LPAR1: variants seen among roughly 807,000 people sequenced by gnomAD.
LPAR1 encodes the protein lysophosphatidic acid receptor 1.
LPAR1 carries 5 observed loss-of-function variants against 23.8 expected under a neutral mutation model. The ratio of observed to expected loss-of-function variants is 0.21; its 90% CI spans 0.11 to 0.44. LPAR1 has a LOEUF of 0.44. LPAR1 is among the 20% of genes least tolerant of loss of function. The pLI is 0.99. For missense variants in LPAR1, 311 were observed against 482.8 expected (o/e 0.64, Z 3.33); for synonymous variants, 160 against 164.7 (o/e 0.97, Z 0.22).
intron 4 of LPAR1, among the ~76,000 whole-genome samples, chr9:110,957,130 G>C (rs1272114027): frequency 6.6e-6 from 1 of 151,978 alleles, no homozygotes; most frequent in East Asian, 1.9e-4. Flanking sequence ...AATTTTGGGA[G>C]GTCAAGGTGG....
chr9:111,036,010 C>T (rs1245727972), intron 2 of LPAR1, 112 bp downstream of exon 2: 2 of 152,194 alleles, frequency 1.3e-5, no homozygotes, highest in Admixed American at 6.5e-5. Flanking sequence ...TCAGTAAAAC[C>T]TTGCAGCCTA....
At chr9:111,026,794 T>C (rs894294855) in intron 2 of LPAR1, among the ~76,000 whole-genome samples, 1 of 152,232 alleles carries the variant, frequency 6.6e-6, no homozygotes, top group African/African-American at 2.4e-5. Context: ...TCATGTGGTT[T>C]TTGTCATTGG....
In LPAR1 at chr9:110,941,308, G is replaced by A. The variant is rs1234728178; in HGVS notation, c.793+113C>T. On this transcript the variant is annotated intron_variant, in intron 5 of 5. Coordinates refer to ENST00000683809, the MANE Select transcript of LPAR1 (RefSeq NM_001351411.2). The surrounding 1 kb of genome is among the most constrained non-coding windows in gnomAD (Gnocchi z 6.1). Reference sequence around the variant, plus strand: ...GGTGCCTCATCCCCTTGTAATTCCTGGTGAATTACCTGGTGAATATTCATA... The same window carrying A: ...GGTGCCTCATCCCCTTGTAATTCCTAGTGAATTACCTGGTGAATATTCATA... The A allele has an allele frequency of 3.1e-6, 3 of 955,084 alleles. No individual in the cohort carries two copies. The highest frequency in any genetic ancestry group is 4.7e-6 in the Non-Finnish European group (3 of 638,380). 59.2% of individuals were successfully genotyped at this position (955,084 alleles called of 1,614,324 possible).
intron 4 of LPAR1, among the ~76,000 whole-genome samples, chr9:110,953,079 G>A (rs2095621282): frequency 6.6e-6 from 1 of 152,068 alleles, no homozygotes; most frequent in Admixed American, 6.5e-5. Context: ...GGACCACCTG[G>A]ATCCCACAGG....
intron 2 of LPAR1, among the ~76,000 whole-genome samples, chr9:111,011,702 T>C (rs1463596569): frequency 6.6e-6 from 1 of 152,104 alleles, no homozygotes; most frequent in East Asian, 1.9e-4. Flanking sequence ...TAAAACACAA[T>C]ATAGTACCCT....
At chr9:110,936,021 C>T (rs2094686674) in intron 5 of LPAR1, among the ~76,000 whole-genome samples, 1 of 152,194 alleles carries the variant, frequency 6.6e-6, no homozygotes, top group Non-Finnish European at 1.5e-5. Flanking sequence ...CCACCCAATG[C>T]TACAGTGAGG....
Position 110,932,601 on chromosome 9 carries a change from G to C in LPAR1, c.793+8820C>G, listed in dbSNP as rs114365661. On this transcript the variant is annotated intron_variant, in intron 5 of 5. Transcript: ENST00000683809. ...ATGGACCAGTAACAGTCCATAGCCT[G>C]TTAAGAATCGGGCTGCACAGCAGGA... 6.9e-3 allele frequency among the ~76,000 whole-genome samples: 1,045 copies of C among 152,382 alleles called. 14 individuals carry two copies. Among genetic ancestry groups the C allele is most frequent in the African/African-American group, 0.024 (995 of 41,588 alleles).
intron 4 of LPAR1, among the ~76,000 whole-genome samples, chr9:110,969,061 GT>G (rs888008250): frequency 2.0e-5 from 3 of 152,016 alleles, no homozygotes; most frequent in African/African-American, 7.2e-5. Context: ...TTTCTCATTA[GT>G]GATCCTTAAG....
chr9:110,905,337 C>CT (rs1225144858), intron 5 of LPAR1, among the ~76,000 whole-genome samples: 2 of 143,270 alleles, frequency 1.4e-5, no homozygotes, highest in African/African-American at 5.7e-5. Flanking sequence ...TATGCCTTTG[C>CT]TTTTTTTTAT....
intron 4 of LPAR1, among the ~76,000 whole-genome samples, chr9:110,964,296 T>A (rs369266031): frequency 4.8e-4 from 60 of 124,648 alleles, no homozygotes; most frequent in Non-Finnish European, 7.5e-4. Context: ...TTTTAAAAAA[T>A]AAAAATAAAT....
chr9:110,931,705 G>A (rs1688913585), intron 5 of LPAR1, among the ~76,000 whole-genome samples: 2 of 152,224 alleles, frequency 1.3e-5, no homozygotes, highest in East Asian at 1.9e-4. Context: ...TGTATAAGGT[G>A]TAAGGAAGGG....
chr9:110,905,463 AC>A lies in LPAR1; in HGVS notation c.794-29742del, dbSNP rs1462554888. 7.3e-5 allele frequency among the ~76,000 whole-genome samples: 11 copies of A among 150,010 alleles called. No individual in the cohort carries two copies. In the East Asian group the frequency reaches 2.2e-3, roughly 29 times the overall value. On this transcript the variant is annotated intron_variant, in intron 5 of 5. Coordinates refer to ENST00000683809, the MANE Select transcript of LPAR1 (RefSeq NM_001351411.2). ...CAGGTTGAAGCGATTCTCCTGTTTC[AC>A]CTTCCCCCAGCAGCTGGGATTACAG...
intron 5 of LPAR1, among the ~76,000 whole-genome samples, chr9:110,893,829 A>T (rs2133384983): frequency 6.6e-6 from 1 of 152,280 alleles, no homozygotes; most frequent in Admixed American, 6.5e-5. Flanking sequence ...CCACCTGCTT[A>T]CACGTAGCCT....
chr9:111,020,018 T>G (rs1388057793), intron 2 of LPAR1, among the ~76,000 whole-genome samples: 1 of 152,184 alleles, frequency 6.6e-6, no homozygotes, highest in Non-Finnish European at 1.5e-5. Flanking sequence ...CTTTCCTTGG[T>G]GAATGTGTAT....
chr9:110,971,964 CGA>C (rs2096438459), intron 4 of LPAR1, 107 bp downstream of exon 4: 7 of 913,264 alleles, frequency 7.7e-6, no homozygotes, highest in Non-Finnish European at 1.1e-5. Context: ...CAAATGATAG[CGA>C]GAGAGATATA....
At chr9:111,014,419 G>C (rs920069212) in intron 2 of LPAR1, among the ~76,000 whole-genome samples, 1 of 152,036 alleles carries the variant, frequency 6.6e-6, no homozygotes, top group South Asian at 2.1e-4. Flanking sequence ...ATGAACATCA[G>C]GCAAGAAGCC....
chr9:110,935,580 C>A (rs115511402), intron 5 of LPAR1, among the ~76,000 whole-genome samples: 2,936 of 152,212 alleles, frequency 0.019, 95 homozygotes, highest in African/African-American at 0.067. Context: ...CTTGAGCTCA[C>A]GAGTTCAACA....
chr9:110,932,686 C>T (rs946389812), intron 5 of LPAR1, among the ~76,000 whole-genome samples: 1 of 152,218 alleles, frequency 6.6e-6, no homozygotes. Context: ...AGATCAGTGG[C>T]GGCATTAGAT....
chr9:111,024,457 TATAC>T (rs1205665359), intron 2 of LPAR1, among the ~76,000 whole-genome samples: 1 of 147,472 alleles, frequency 6.8e-6, no homozygotes, highest in East Asian at 1.9e-4. Context: ...TATTTTTATA[TATAC>T]ATAATTATAT....
Sources: gnomAD v4.1 joint callset for allele counts (sites outside exome capture counted in the v4.1 genomes callset) on GRCh38, gnomAD v4.1.1 for gene constraint, Gnocchi (gnomAD v3.1) non-coding constraint, MANE v1.5 for transcripts, NCBI Gene and HGNC (gene_info 2026-07-23, HGNC 2026-07-21) for gene names.